Variants in TECRL observed in about 807,000 individuals in gnomAD.
The protein encoded by TECRL is trans-2,3-enoyl-CoA reductase-like.
A neutral mutation model predicts 52.8 loss-of-function variants in TECRL; 63 were observed. That is an observed-to-expected ratio of 1.19 (90% CI 0.97 to 1.47). The LOEUF (loss-of-function observed/expected upper bound fraction) is 1.47. Ranked by LOEUF, TECRL falls within the 40% of genes most tolerant of loss-of-function variation. The pLI is 0.00. For synonymous variants in TECRL, 164 were observed against 141.9 expected (o/e 1.16, Z -1.10); for missense variants, 482 against 429.6 (o/e 1.12, Z -1.08).
intron 1 of TECRL, among the ~76,000 whole-genome samples, chr4:64,389,496 A>C (rs1258276232): frequency 6.6e-6 from 1 of 151,964 alleles, no homozygotes; most frequent in Non-Finnish European, 1.5e-5. Flanking sequence ...ACTTCTTTTT[A>C]TACAGTGTTA....
intron 1 of TECRL, among the ~76,000 whole-genome samples, chr4:64,381,616 T>C (rs1722800161): frequency 6.6e-6 from 1 of 152,086 alleles, no homozygotes; most frequent in Non-Finnish European, 1.5e-5. Flanking sequence ...TTGTGCATTG[T>C]ATTAAATGTT....
intron 2 of TECRL, among the ~76,000 whole-genome samples, chr4:64,364,577 A>T (rs945730378): frequency 1.3e-5 from 2 of 151,922 alleles, no homozygotes; most frequent in Non-Finnish European, 2.9e-5. Context: ...TATAGATAAC[A>T]TTACCCCAAA....
At chr4:64,332,769 G>T (rs1718735409) in intron 2 of TECRL, among the ~76,000 whole-genome samples, 1 of 152,122 alleles carries the variant, frequency 6.6e-6, no homozygotes, top group Non-Finnish European at 1.5e-5. Context: ...TGAACTGGAA[G>T]TTGGAAGAAA....
chr4:64,322,250 C>G (rs1717950347), intron 4 of TECRL, among the ~76,000 whole-genome samples: 1 of 151,772 alleles, frequency 6.6e-6, no homozygotes, highest in African/African-American at 2.4e-5. Flanking sequence ...CTATATAAAC[C>G]CCTAGTTTTA....
At chr4:64,360,546 C>T (rs954124949) in intron 2 of TECRL, among the ~76,000 whole-genome samples, 11 of 151,996 alleles carry the variant, frequency 7.2e-5, no homozygotes, top group African/African-American at 1.2e-4. Flanking sequence ...GCTGACTAGA[C>T]GGAGTCAGGA....
Position 64,319,123 on chromosome 4 carries a change from G to A in TECRL, c.435+3566C>T, listed in dbSNP as rs1577864100. On this transcript the variant is annotated intron_variant, in intron 4 of 11. Coordinates refer to ENST00000381210, the MANE Select transcript of TECRL (RefSeq NM_001010874.5). ...AAGGGTTCACTCTGTAATCTCTTTGGTAACCCCTAGAATTAGTAAAATAGA... is the reference window on the plus strand; with the variant it reads ...AAGGGTTCACTCTGTAATCTCTTTGATAACCCCTAGAATTAGTAAAATAGA... 3.3e-5 allele frequency among the ~76,000 whole-genome samples: 5 copies of A among 151,654 alleles called. No individual in the cohort carries two copies. In the South Asian group the frequency reaches 1.0e-3, roughly 32 times the overall value.
intron 2 of TECRL, among the ~76,000 whole-genome samples, chr4:64,344,115 T>A (rs1338297074): frequency 2.6e-5 from 4 of 151,964 alleles, no homozygotes; most frequent in Non-Finnish European, 5.9e-5. Context: ...TTGTCAGCAT[T>A]TAGAAGAGGA....
At position 64,312,280 on chromosome 4, in the gene TECRL, C is replaced by T. The variant is rs557975416; in HGVS notation, c.552-2349G>A. On this transcript the variant is annotated intron_variant, in intron 5 of 11. Transcript: ENST00000381210. ...ATCCTGAAAATTAGGTGACAGAAGC[C>T]CTGTGATTATTTTCTAAATCTAGAT... is the stretch of plus-strand genomic sequence containing the variant. 5.3e-5 allele frequency among the ~76,000 whole-genome samples: 8 copies of T among 151,928 alleles called. No homozygotes were observed. The South Asian group carries it at 1.3e-3, about 24-fold the overall frequency.
chr4:64,384,647 C>A (rs1258884199), intron 1 of TECRL, among the ~76,000 whole-genome samples: 1 of 152,010 alleles, frequency 6.6e-6, no homozygotes, highest in African/African-American at 2.4e-5. Context: ...TGCATGCAAG[C>A]ATTGGTAGGG....
Position 64,358,813 on chromosome 4 carries a change from C to T in TECRL, c.286+16359G>A, listed in dbSNP as rs140464404. ...GAAATTATTGAGATACAATATAGCA[C>T]GTCTGAAATTAGCAATAAGATTCAG... On this transcript the variant is annotated intron_variant, in intron 2 of 11. Coordinates refer to ENST00000381210, the MANE Select transcript of TECRL (RefSeq NM_001010874.5). Among the ~76,000 whole-genome samples, 846 of 151,738 alleles carry T rather than the reference C, an allele frequency of 5.6e-3. 5 individuals carry two copies. The highest frequency in any genetic ancestry group is 9.4e-3 in the Non-Finnish European group (637 of 67,726).
chr4:64,397,762 T>C (rs957180168), intron 1 of TECRL: 7 of 152,220 alleles, frequency 4.6e-5, no homozygotes, highest in African/African-American at 1.7e-4. Flanking sequence ...CTCTTTATTG[T>C]TCCAATGTGC....
chr4:64,388,087 T>G (rs563394798), intron 1 of TECRL, among the ~76,000 whole-genome samples: 64 of 151,934 alleles, frequency 4.2e-4, no homozygotes, highest in African/African-American at 1.5e-3. Flanking sequence ...TCCAAGGTCA[T>G]GAAGATTTTG....
At chr4:64,324,112 G>A (rs898427397) in intron 3 of TECRL, among the ~76,000 whole-genome samples, 43 of 152,006 alleles carry the variant, frequency 2.8e-4, no homozygotes, top group Admixed American at 1.0e-3. Flanking sequence ...GTTACTTAAA[G>A]GAGCTACTCA....
chr4:64,360,724 T>C (rs1721123088), intron 2 of TECRL, among the ~76,000 whole-genome samples: 1 of 152,086 alleles, frequency 6.6e-6, no homozygotes, highest in Non-Finnish European at 1.5e-5. Context: ...GCATTGGGAC[T>C]CATTCCTGGC....
intron 1 of TECRL, among the ~76,000 whole-genome samples, chr4:64,376,871 C>T (rs939847342): frequency 6.6e-6 from 1 of 151,830 alleles, no homozygotes; most frequent in Admixed American, 6.6e-5. Context: ...ATGTAGTACA[C>T]CACAGAGCAT....
At chr4:64,292,225 T>C (rs1230530861) in intron 8 of TECRL, among the ~76,000 whole-genome samples, 1 of 152,006 alleles carries the variant, frequency 6.6e-6, no homozygotes, top group Non-Finnish European at 1.5e-5. Context: ...GACATATATT[T>C]CTCCTGGATT....
At chr4:64,401,361 T>C (rs1724349823) in intron 1 of TECRL, among the ~76,000 whole-genome samples, 1 of 152,190 alleles carries the variant, frequency 6.6e-6, no homozygotes, top group Admixed American at 6.5e-5. Context: ...GCCTCTTTTT[T>C]TCTTGGATAT....
chr4:64,320,530 T>C (rs1273148398), intron 4 of TECRL, among the ~76,000 whole-genome samples: 1 of 152,058 alleles, frequency 6.6e-6, no homozygotes, highest in Non-Finnish European at 1.5e-5. Flanking sequence ...GAGTTCTCTT[T>C]GTCACATAGA....
chr4:64,351,651 C>T (rs997741817), intron 2 of TECRL, among the ~76,000 whole-genome samples: 17 of 152,236 alleles, frequency 1.1e-4, no homozygotes, highest in African/African-American at 3.6e-4. Context: ...AATACCCTGA[C>T]TTGACCATTA....
Sources: gnomAD v4.1 joint callset for allele counts (sites outside exome capture counted in the v4.1 genomes callset) on GRCh38, gnomAD v4.1.1 for gene constraint, MANE v1.5 for transcripts, NCBI Gene and HGNC (gene_info 2026-07-23, HGNC 2026-07-21) for gene names.